The following ANK3 variants were observed in gnomAD, a reference collection of about 807,000 sequenced individuals.
ANK3 encodes the protein ankyrin-3.
ANK3 carries 57 observed loss-of-function variants against 370.9 expected under a neutral mutation model. The ratio of observed to expected loss-of-function variants is 0.15; its 90% CI spans 0.12 to 0.19. The LOEUF is 0.19. ANK3 is among the 10% of genes least tolerant of loss of function. The pLI is 1.00. For synonymous variants in ANK3, 1,929 were observed against 1,946.3 expected, an observed-to-expected ratio of 0.99 and a Z score of 0.23; for missense variants, 4,439 against 5,302.1, an observed-to-expected ratio of 0.84 and a Z score of 5.06.
chr10:60,232,523 T>G (rs553359675), intron 8 of ANK3, among the ~76,000 whole-genome samples: 1 of 152,338 alleles, frequency 6.6e-6, no homozygotes, highest in Admixed American at 6.5e-5. Flanking sequence ...TAATTGCTTC[T>G]TACTGGAATG....
chr10:60,697,684 G>A (rs1267017657), intron 1 of ANK3, among the ~76,000 whole-genome samples: 2 of 151,154 alleles, frequency 1.3e-5, no homozygotes, highest in African/African-American at 2.4e-5. Context: ...ATGGTGCTGG[G>A]AAAACTGGCT....
At chr10:60,480,745 C>T (rs1247975750) in intron 2 of ANK3, among the ~76,000 whole-genome samples, 1 of 152,174 alleles carries the variant, frequency 6.6e-6, no homozygotes, top group Non-Finnish European at 1.5e-5. Context: ...CTGCGAACTA[C>T]AGATAAAAAT....
chr10:60,619,675 T>G (rs544191968), intron 1 of ANK3, among the ~76,000 whole-genome samples: 3 of 152,116 alleles, frequency 2.0e-5, no homozygotes, highest in Non-Finnish European at 4.4e-5. Context: ...TTATTTTTAT[T>G]TGATAAAAGA....
chr10:60,597,507 G>C (rs1366756997), intron 2 of ANK3, among the ~76,000 whole-genome samples: 1 of 152,146 alleles, frequency 6.6e-6, no homozygotes, highest in Non-Finnish European at 1.5e-5. Context: ...GACCAGTCAA[G>C]CGATGGGCAC....
At chr10:60,383,413 G>A (rs1214306999) in intron 1 of ANK3, among the ~76,000 whole-genome samples, 1 of 152,132 alleles carries the variant, frequency 6.6e-6, no homozygotes, top group East Asian at 1.9e-4. Flanking sequence ...GGCACAGAGA[G>A]ACTAAATAAC....
At chr10:60,447,580 A>T (rs2064484073) in intron 2 of ANK3, among the ~76,000 whole-genome samples, 1 of 152,158 alleles carries the variant, frequency 6.6e-6, no homozygotes, top group South Asian at 2.1e-4. Context: ...ACAACAAGGG[A>T]ATTCCAAAGT....
chr10:60,108,842 G>A lies in ANK3; in HGVS notation c.3161C>T (p.Ala1054Val). ...SRLVEMGPAG[A>V]QFLGPVIVEI... ...CAAAACAACTTACCCTAAAAATTGT[G>A]CCCCTGCAGGACCCATTTCTACCAG... The change falls in exon 27 of 44, where the codon GCA becomes GTA. Residue 1054 changes from alanine to valine, a missense_variant. Ala to Val is a moderately conservative substitution (Grantham distance 64, BLOSUM62 0). Coordinates refer to ENST00000280772, the MANE Select transcript of ANK3 (RefSeq NM_020987.5). 6.2e-7 allele frequency: 1 copy of A among 1,613,582 alleles called. No individual in the cohort carries two copies. Among genetic ancestry groups the A allele is most frequent in the Non-Finnish European group, 8.5e-7 (1 of 1,179,568 alleles).
intron 28 of ANK3, among the ~76,000 whole-genome samples, chr10:60,092,563 C>T (rs1233325206): frequency 6.6e-6 from 1 of 151,852 alleles, no homozygotes; most frequent in East Asian, 1.9e-4. Flanking sequence ...CATTGATTTC[C>T]CAAATGGAAC....
At chr10:60,410,980 A>G (rs893169567) in intron 2 of ANK3, among the ~76,000 whole-genome samples, 1 of 151,974 alleles carries the variant, frequency 6.6e-6, no homozygotes, top group African/African-American at 2.4e-5. Flanking sequence ...GGCCTCTCCC[A>G]TCCAATCTTT....
chr10:60,633,084 G>C (rs1174742007), intron 1 of ANK3, among the ~76,000 whole-genome samples: 1 of 151,990 alleles, frequency 6.6e-6, no homozygotes, highest in Non-Finnish European at 1.5e-5. Context: ...TAAAAGTTAT[G>C]TTTAAAATTT....
intron 1 of ANK3, among the ~76,000 whole-genome samples, chr10:60,698,950 A>G (rs1365295125): frequency 6.6e-6 from 1 of 151,336 alleles, no homozygotes; most frequent in Non-Finnish European, 1.5e-5. Context: ...AATAAAACAG[A>G]CTTTGGAGTG....
At chr10:60,462,071 T>C (rs1209108942) in intron 2 of ANK3, among the ~76,000 whole-genome samples, 1 of 152,010 alleles carries the variant, frequency 6.6e-6, no homozygotes, top group Non-Finnish European at 1.5e-5. Flanking sequence ...CTAAACTAGC[T>C]AATAAGGAGG....
At chr10:60,116,796 A>C (rs1215066074) in intron 25 of ANK3, among the ~76,000 whole-genome samples, 3 of 152,176 alleles carry the variant, frequency 2.0e-5, no homozygotes, top group Non-Finnish European at 4.4e-5. Flanking sequence ...ATTGTGAACA[A>C]AGGAAAATAA....
rs192264876 is a variant in ANK3 at position 60,085,168 on chromosome 10, A to G, written c.3834T>C (p.Asn1278=). ...CTTTATTTCCATACCTGGCTGAAAC[A>G]TTGGTTGTAAAGGAGACACAATCTT... The part of the protein sequence containing the change: ...FIKDCVSFTT[N]VSARFWLADC... Residue 1278 remains asparagine, a synonymous_variant, in exon 31 of 44, where the codon AAT becomes AAC. Coordinates refer to ENST00000280772, the MANE Select transcript of ANK3 (RefSeq NM_020987.5). 10 of 1,611,002 alleles carry G rather than the reference A, an allele frequency of 6.2e-6. No homozygotes were observed. Among genetic ancestry groups the G allele is most frequent in the African/African-American group, 4.0e-5 (3 of 74,836 alleles).
chr10:60,641,361 C>T lies in ANK3; in HGVS notation c.58-26137G>A, dbSNP rs544666667. On this transcript the variant is annotated intron_variant, in intron 1 of 43. Transcript: ENST00000373827. ...CAAAAGAACAAAGCTGGAGGCATCA[C>T]GCTACCCGACTTCAAACTGTACTAC... Among the ~76,000 whole-genome samples the T allele has an allele frequency of 2.0e-3, 285 of 144,864 alleles. 1 individual carries two copies. Among genetic ancestry groups the T allele is most frequent in the Non-Finnish European group, 3.5e-3 (226 of 65,190 alleles).
At chr10:60,388,246 A>T (rs1041571705) in intron 1 of ANK3, among the ~76,000 whole-genome samples, 5 of 152,236 alleles carry the variant, frequency 3.3e-5, no homozygotes, top group Non-Finnish European at 7.3e-5. Context: ...GCAGTGAAAC[A>T]ACTGCAGCTC....
intron 1 of ANK3, among the ~76,000 whole-genome samples, chr10:60,672,097 A>G (rs1040574868): frequency 2.0e-5 from 3 of 152,260 alleles, no homozygotes; most frequent in African/African-American, 7.2e-5. Flanking sequence ...TTACTCAACA[A>G]TAGACAATTA....
chr10:60,485,304 T>C (rs2075320886), intron 2 of ANK3, among the ~76,000 whole-genome samples: 1 of 122,466 alleles, frequency 8.2e-6, no homozygotes, highest in African/African-American at 2.8e-5. Context: ...CACCTCCAAT[T>C]TTAGGAAGGC....
chr10:60,516,089 G>A (rs1174382736), intron 2 of ANK3, among the ~76,000 whole-genome samples: 1 of 152,044 alleles, frequency 6.6e-6, no homozygotes, highest in East Asian at 1.9e-4. Context: ...ATTTATAGGG[G>A]ATAGAATAAT....
Sources: gnomAD v4.1 joint callset for allele counts (sites outside exome capture counted in the v4.1 genomes callset) on GRCh38, gnomAD v4.1.1 for gene constraint, MANE v1.5 for transcripts, NCBI Gene and HGNC (gene_info 2026-07-23, HGNC 2026-07-21) for gene names.